The following SEC14L3 variants were observed in gnomAD, a reference collection of about 807,000 sequenced individuals.
SEC14L3 encodes SEC14-like protein 3.
Under a neutral mutation model 57.4 loss-of-function variants are expected in SEC14L3, and 56 were observed. The ratio of observed to expected loss-of-function variants is 0.97; its 90% CI spans 0.79 to 1.22. The LOEUF is 1.22. SEC14L3 is among the 50% of genes most tolerant of loss of function. The pLI is 0.00. For synonymous variants in SEC14L3, 173 were observed against 194.4 expected, an observed-to-expected ratio of 0.89 and a Z score of 0.92; for missense variants, 485 against 511.7, an observed-to-expected ratio of 0.95 and a Z score of 0.50.
intron 4 of SEC14L3, among the ~76,000 whole-genome samples, chr22:30,469,490 TC>T (rs1297094397): frequency 6.6e-6 from 1 of 152,112 alleles, no homozygotes; most frequent in Non-Finnish European, 1.5e-5. Context: ...AGTGCCCAGA[TC>T]CGGGTACATG....
Position 30,468,610 on chromosome 22 carries a change from A to G in SEC14L3, c.321T>C (p.Asp107=). Reference sequence around the variant, plus strand: ...TGACTGAGAAGAGCAACCCCTTGGGATCAAGTGGCCCAATGATGTCATACC... The same window carrying G: ...TGACTGAGAAGAGCAACCCCTTGGGGTCAAGTGGCCCAATGATGTCATACC... ...PVWYDIIGPL[D]PKGLLFSVTK... Residue 107 remains aspartate, a synonymous_variant, in exon 5 of 12, where the codon GAT becomes GAC. Transcript: ENST00000215812. 1 of 1,613,882 alleles carries G rather than the reference A, an allele frequency of 6.2e-7. No homozygotes were observed. Among genetic ancestry groups the G allele is most frequent in the South Asian group, 1.1e-5 (1 of 91,018 alleles).
intron 1 of SEC14L3, chr22:30,471,306 A>C (rs772005064): frequency 6.6e-6 from 3 of 455,696 alleles, no homozygotes; most frequent in South Asian, 4.7e-5. Flanking sequence ...AAGAAGAAGA[A>C]AGGATAAATA....
chr22:30,462,357 T>A, intron 8 of SEC14L3, 165 bp from the exon 9 acceptor site: 3 of 633,710 alleles, frequency 4.7e-6, no homozygotes, highest in Non-Finnish European at 5.9e-6. Flanking sequence ...AGTGTCTTTC[T>A]CAGCATTGTG....
At chr22:30,466,103 G>A (rs76309591) in intron 7 of SEC14L3, among the ~76,000 whole-genome samples, 1 of 152,196 alleles carries the variant, frequency 6.6e-6, no homozygotes, top group South Asian at 2.1e-4. Context: ...GAGAAATAAG[G>A]GAGGATCCCT....
intron 8 of SEC14L3, among the ~76,000 whole-genome samples, chr22:30,462,950 TG>T (rs1935313587): frequency 6.6e-6 from 1 of 151,890 alleles, no homozygotes; most frequent in African/African-American, 2.4e-5. Flanking sequence ...TTGGCCAGGA[TG>T]GTCTTGAACT....
At chr22:30,465,008 G>A in intron 7 of SEC14L3, 105 bp from the exon 8 acceptor site, 1 of 1,531,890 alleles carries the variant, frequency 6.5e-7, no homozygotes, top group African/African-American at 1.4e-5. Flanking sequence ...ACTAACCCTG[G>A]TCAATTCCAG....
At chr22:30,471,621 A>G (rs955146121) in intron 1 of SEC14L3, among the ~76,000 whole-genome samples, 1 of 152,142 alleles carries the variant, frequency 6.6e-6, no homozygotes, top group Non-Finnish European at 1.5e-5. Context: ...GCTGCCAGGT[A>G]AACCTCTCTG....
chr22:30,471,648 GAGA>G (rs893577107), intron 1 of SEC14L3, among the ~76,000 whole-genome samples: 3 of 152,178 alleles, frequency 2.0e-5, no homozygotes, highest in African/African-American at 4.8e-5. Context: ...GCTCCTGGAT[GAGA>G]AGAAGTCAGG....
chr22:30,455,911 C>T (rs1935111392), downstream of SEC14L3, among the ~76,000 whole-genome samples: 1 of 152,226 alleles, frequency 6.6e-6, no homozygotes, highest in Non-Finnish European at 1.5e-5. Flanking sequence ...AACTTTCCTT[C>T]TCACACAATG....
chr22:30,456,299 CAA>C (rs61284271), downstream of SEC14L3, among the ~76,000 whole-genome samples: 154 of 95,956 alleles, frequency 1.6e-3, no homozygotes, highest in Non-Finnish European at 2.3e-3. Context: ...ACCCTGTCTC[CAA>C]AAAAAAAAAA....
intron 12 of SEC14L3, among the ~76,000 whole-genome samples, chr22:30,450,979 C>G (rs1202822885): frequency 6.6e-6 from 1 of 152,234 alleles, no homozygotes; most frequent in African/African-American, 2.4e-5. Context: ...CTTGCCCGGG[C>G]AGAATGTTGT....
At chr22:30,454,516 T>C (rs908792707), downstream of SEC14L3, among the ~76,000 whole-genome samples, 59 of 122,396 alleles carry the variant, frequency 4.8e-4, 1 homozygote, top group Non-Finnish European at 7.0e-4. Flanking sequence ...TCTATAATAA[T>C]ATTATTATAT....
At chr22:30,451,228 G>C (rs1601806680) in intron 12 of SEC14L3, among the ~76,000 whole-genome samples, 2 of 152,210 alleles carry the variant, frequency 1.3e-5, no homozygotes, top group South Asian at 4.1e-4. Context: ...CCCACCATGA[G>C]AACAGGTTCT....
chr22:30,456,497 G>A (rs1357933741), downstream of SEC14L3, among the ~76,000 whole-genome samples: 1 of 152,088 alleles, frequency 6.6e-6, no homozygotes, highest in Non-Finnish European at 1.5e-5. Flanking sequence ...GAGCCAGCGT[G>A]TCACATGGTG....
Position 30,471,900 on chromosome 22 carries a change from C to T in SEC14L3, c.54+5G>A. On this transcript the variant is annotated splice_donor_5th_base_variant and intron_variant, in intron 1 of 11. Transcript: ENST00000215812. ...TTCCGGAACTCCAGGGGGAGGGGCT[C>T]TCACCTTGGCCAGGGTCTCTGCCTG... The T allele has an allele frequency of 6.2e-7, 1 of 1,613,338 alleles. No homozygotes were observed. Among genetic ancestry groups the T allele is most frequent in the South Asian group, 1.1e-5 (1 of 90,978 alleles).
Position 30,464,914 on chromosome 22 carries a change from A to G in SEC14L3, c.581-11T>C, listed in dbSNP as rs754797199. On this transcript the variant is annotated splice_polypyrimidine_tract_variant and intron_variant, in intron 7 of 11. Coordinates refer to ENST00000215812, the MANE Select transcript of SEC14L3 (RefSeq NM_174975.5). Reference sequence around the variant, plus strand: ...GGAACAGTTTGGTAGCTGGAGAGATAGAAGTAAGGATAATGGGAAGAAAAG... The same window carrying G: ...GGAACAGTTTGGTAGCTGGAGAGATGGAAGTAAGGATAATGGGAAGAAAAG... 3.1e-6 allele frequency: 5 copies of G among 1,613,660 alleles called. No individual in the cohort carries two copies. The African/African-American group carries it at 6.7e-5, about 22-fold the overall frequency.
At chr22:30,450,972 GC>G (rs1212731993) in intron 12 of SEC14L3, among the ~76,000 whole-genome samples, 1 of 152,230 alleles carries the variant, frequency 6.6e-6, no homozygotes, top group African/African-American at 2.4e-5. Flanking sequence ...CAGGCCCCTT[GC>G]CCGGGCAGAA....
intron 8 of SEC14L3, chr22:30,462,393 T>C (rs1206701196): frequency 1.4e-5 from 5 of 357,246 alleles, no homozygotes; most frequent in African/African-American, 1.1e-4. Flanking sequence ...GTTTCCCGCC[T>C]TGATAGATGA....
At chr22:30,455,145 T>TATTAAATATATATTATATTTAATATTTA (rs1569225691), downstream of SEC14L3, among the ~76,000 whole-genome samples, 20 of 50,502 alleles carry the variant, frequency 4.0e-4, no homozygotes, top group African/African-American at 2.0e-3. Flanking sequence ...TAATATTTAA[T>TATTAAATATATATTATATTTAATATTTA]ATATATTATA....
Sources: gnomAD v4.1 joint callset for allele counts (sites outside exome capture counted in the v4.1 genomes callset) on GRCh38, gnomAD v4.1.1 for gene constraint, MANE v1.5 for transcripts, NCBI Gene and HGNC (gene_info 2026-07-23, HGNC 2026-07-21) for gene names.